NLGN1: variants seen among roughly 807,000 people sequenced by gnomAD.
The protein encoded by NLGN1 is neuroligin 1, also known as neuroligin-1.
Under a neutral mutation model 65.5 loss-of-function variants are expected in NLGN1, and 12 were observed. That is an observed-to-expected ratio of 0.18 (90% CI 0.12 to 0.30). The LOEUF (loss-of-function observed/expected upper bound fraction) is 0.30. Ranked by LOEUF, NLGN1 falls within the 10% of genes least tolerant of loss-of-function variation. The pLI, the probability that NLGN1 is intolerant of heterozygous loss-of-function variation, is 1.00. For missense variants in NLGN1, 750 were observed against 1,007.1 expected (o/e 0.74, Z 3.46); for synonymous variants, 350 against 359.5 (o/e 0.97, Z 0.30).
chr3:174,197,348 C>A (rs969984324), intron 4 of NLGN1, among the ~76,000 whole-genome samples: 1 of 151,484 alleles, frequency 6.6e-6, no homozygotes, highest in Non-Finnish European at 1.5e-5. Flanking sequence ...GGAACCAAGC[C>A]GTCTTGGTGG....
chr3:173,678,824 A>T (rs1763533553), intron 3 of NLGN1, among the ~76,000 whole-genome samples: 1 of 152,134 alleles, frequency 6.6e-6, no homozygotes, highest in South Asian at 2.1e-4. Flanking sequence ...CTAGGTGAGA[A>T]ACATTGAGAG....
chr3:174,184,381 A>G (rs931938369), intron 4 of NLGN1, among the ~76,000 whole-genome samples: 2 of 152,192 alleles, frequency 1.3e-5, no homozygotes, highest in African/African-American at 4.8e-5. Context: ...ATAATGTCAC[A>G]TTACATAAAG....
chr3:174,141,146 C>A (rs1313684920), intron 4 of NLGN1, among the ~76,000 whole-genome samples: 1 of 151,972 alleles, frequency 6.6e-6, no homozygotes, highest in African/African-American at 2.4e-5. Flanking sequence ...CTTTTCCATG[C>A]CATTTAAGTA....
At chr3:173,783,228 G>T (rs1053906268) in intron 3 of NLGN1, among the ~76,000 whole-genome samples, 2 of 152,108 alleles carry the variant, frequency 1.3e-5, no homozygotes, top group Non-Finnish European at 2.9e-5. Context: ...CTTTGTGAAT[G>T]AATTACATAT....
intron 4 of NLGN1, among the ~76,000 whole-genome samples, chr3:173,827,484 A>G (rs1258668013): frequency 6.6e-6 from 1 of 151,924 alleles, no homozygotes; most frequent in Non-Finnish European, 1.5e-5. Context: ...TGCAGAAAAT[A>G]TTTAGCAGCA....
intron 4 of NLGN1, among the ~76,000 whole-genome samples, chr3:174,172,958 A>G (rs926757398): frequency 2.6e-5 from 4 of 152,170 alleles, no homozygotes; most frequent in East Asian, 1.9e-4. Flanking sequence ...AACATAGAAT[A>G]TATTTCCATA....
intron 4 of NLGN1, among the ~76,000 whole-genome samples, chr3:174,060,940 AG>A (rs1192444219): frequency 6.6e-6 from 1 of 152,044 alleles, no homozygotes; most frequent in Non-Finnish European, 1.5e-5. Context: ...CTCTTAAAAA[AG>A]GTTTGTTGAG....
At position 174,279,695 on chromosome 3, in the gene NLGN1, T is replaced by C. The variant is rs759671973; in HGVS notation, c.1649+45T>C. ...AGTTTATTTTTAATAAAAATGTTAT[T>C]TTAACCATTTTAAAATAATAGATAT... On this transcript the variant is annotated intron_variant, in intron 6 of 6. Transcript: ENST00000457714. The surrounding 1 kb of genome is among the most constrained non-coding windows in gnomAD (Gnocchi z 4.7). 7.7e-6 allele frequency: 9 copies of C among 1,166,528 alleles called. No homozygotes were observed. In the South Asian group the frequency reaches 1.4e-4, roughly 18 times the overall value. 72.3% of individuals were successfully genotyped at this position (1,166,528 alleles called of 1,614,324 possible).
intron 3 of NLGN1, among the ~76,000 whole-genome samples, chr3:173,734,084 T>C (rs1317229013): frequency 6.6e-6 from 1 of 152,138 alleles, no homozygotes; most frequent in Non-Finnish European, 1.5e-5. Flanking sequence ...CTAAAGCTAA[T>C]GAAAGTCCTG....
chr3:173,594,842 G>T (rs1436708214), intron 2 of NLGN1, among the ~76,000 whole-genome samples: 1 of 152,196 alleles, frequency 6.6e-6, no homozygotes, highest in Non-Finnish European at 1.5e-5. Context: ...CATGAAAGCT[G>T]CCAAGGCTTG....
chr3:173,505,334 A>G (rs998806889), intron 2 of NLGN1, among the ~76,000 whole-genome samples: 13 of 152,110 alleles, frequency 8.5e-5, no homozygotes, highest in Admixed American at 2.6e-4. Flanking sequence ...AGCTCCATGC[A>G]TGGAATCCAG....
intron 4 of NLGN1, among the ~76,000 whole-genome samples, chr3:173,923,305 A>T (rs921285961): frequency 1.3e-5 from 2 of 152,088 alleles, no homozygotes; most frequent in African/African-American, 4.8e-5. Context: ...AAACTTCTGG[A>T]ACTTCAAAAG....
At chr3:174,066,558 C>CTGTGTGTGTGTGTGTG (rs1327610699) in intron 4 of NLGN1, among the ~76,000 whole-genome samples, 2 of 134,172 alleles carry the variant, frequency 1.5e-5, no homozygotes, top group African/African-American at 6.2e-5. Flanking sequence ...CTCTCTCTCT[C>CTGTGTGTGTGTGTGTG]TCTCTCTGTG....
At chr3:173,489,911 T>C (rs375659057) in intron 2 of NLGN1, among the ~76,000 whole-genome samples, 10 of 152,272 alleles carry the variant, frequency 6.6e-5, no homozygotes, top group East Asian at 5.8e-4. Flanking sequence ...TCATATCCTT[T>C]GTCCACTTTT....
rs148702596 is a variant in NLGN1 at position 173,943,713 on chromosome 3, T to C, written c.646+135881T>C. On this transcript the variant is annotated intron_variant, in intron 4 of 6. Coordinates refer to ENST00000457714, the Ensembl canonical transcript of NLGN1. The stretch of plus-strand genomic sequence containing the variant: ...TACAGGCAAATTTTCTTCCCTGCCA[T>C]TTTATTTTGCACATCTCTTAGCATT... Among the ~76,000 whole-genome samples, 816 of 152,284 alleles carry C rather than the reference T, an allele frequency of 5.4e-3. 11 individuals are homozygous for C. Among genetic ancestry groups the C allele is most frequent in the South Asian group, 0.023 (113 of 4,826 alleles).
chr3:173,498,475 C>G (rs1730416556), intron 2 of NLGN1, among the ~76,000 whole-genome samples: 1 of 151,814 alleles, frequency 6.6e-6, no homozygotes. Flanking sequence ...TGGGTTGGTT[C>G]CAAGTCTTTA....
chr3:173,539,659 G>GT (rs1440793469), intron 2 of NLGN1, among the ~76,000 whole-genome samples: 2 of 138,716 alleles, frequency 1.4e-5, no homozygotes, highest in African/African-American at 2.7e-5. Context: ...TAACATATGT[G>GT]TATATATGCA....
chr3:174,227,507 T>G (rs560048165), intron 4 of NLGN1, among the ~76,000 whole-genome samples: 12 of 152,254 alleles, frequency 7.9e-5, no homozygotes, highest in Non-Finnish European at 1.3e-4. Flanking sequence ...CAAATAGCCA[T>G]GTCACTTAGT....
At chr3:173,751,240 A>G (rs370874056) in intron 3 of NLGN1, among the ~76,000 whole-genome samples, 17 of 152,216 alleles carry the variant, frequency 1.1e-4, no homozygotes, top group African/African-American at 4.1e-4. Context: ...TTGAAAAGAA[A>G]ATAACTGATA....
Sources: gnomAD v4.1 joint callset for allele counts (sites outside exome capture counted in the v4.1 genomes callset) on GRCh38, gnomAD v4.1.1 for gene constraint, Gnocchi (gnomAD v3.1) non-coding constraint, MANE v1.5 for transcripts, NCBI Gene and HGNC (gene_info 2026-07-23, HGNC 2026-07-21) for gene names.